The following PPA2 variants were observed in gnomAD, a reference collection of about 807,000 sequenced individuals.
The protein encoded by PPA2 is inorganic pyrophosphatase 2.
PPA2 carries 48 observed loss-of-function variants against 49.5 expected under a neutral mutation model. The ratio of observed to expected loss-of-function variants is 0.97; its 90% confidence interval spans 0.77 to 1.23. The LOEUF (loss-of-function observed/expected upper bound fraction) is 1.23, where lower values mean the gene tolerates loss of function less well. Among genes scored for constraint, PPA2 ranks in the 50% most tolerant of loss-of-function variants. PPA2 has a pLI of 0.00. For missense variants in PPA2, 429 were observed against 410.1 expected (o/e 1.05, Z -0.40); for synonymous variants, 131 against 139.9 (o/e 0.94, Z 0.45).
chr4:105,436,143 A>C, intron 6 of PPA2, among the ~76,000 whole-genome samples: 1 of 152,130 alleles, frequency 6.6e-6, no homozygotes, highest in East Asian at 1.9e-4. Context: ...AAAAATTAAT[A>C]GTATTTCTAC....
intron 10 of PPA2, among the ~76,000 whole-genome samples, chr4:105,384,645 A>C (rs1358134366): frequency 1.3e-5 from 2 of 152,246 alleles, no homozygotes; most frequent in Non-Finnish European, 2.9e-5. Flanking sequence ...AATGAAAACC[A>C]AATTCTGAAT....
intron 5 of PPA2, among the ~76,000 whole-genome samples, chr4:105,445,509 A>G (rs1456053954): frequency 6.6e-6 from 1 of 152,126 alleles, no homozygotes; most frequent in Non-Finnish European, 1.5e-5. Context: ...TTTCCTGTGA[A>G]TGTTTATTCT....
chr4:105,392,140 A>T (rs1733947570), intron 9 of PPA2, among the ~76,000 whole-genome samples: 1 of 152,218 alleles, frequency 6.6e-6, no homozygotes, highest in Non-Finnish European at 1.5e-5. Context: ...TCAAATGTCA[A>T]AAAATGATTT....
intron 6 of PPA2, among the ~76,000 whole-genome samples, chr4:105,428,671 G>A (rs779196551): frequency 3.9e-5 from 6 of 151,924 alleles, no homozygotes; most frequent in Non-Finnish European, 8.8e-5. Context: ...GGCCTGTTGG[G>A]GGTGGGGGGC....
intron 10 of PPA2, among the ~76,000 whole-genome samples, chr4:105,383,157 T>G (rs1452662062): frequency 1.3e-5 from 2 of 152,190 alleles, no homozygotes; most frequent in Non-Finnish European, 2.9e-5. Context: ...AAAACTTGTT[T>G]ATGATACAGT....
chr4:105,438,400 C>G (rs1724170971), intron 5 of PPA2, among the ~76,000 whole-genome samples: 1 of 152,230 alleles, frequency 6.6e-6, no homozygotes, highest in African/African-American at 2.4e-5. Context: ...ACTGCCTCAA[C>G]TGTGGCTTCC....
At chr4:105,454,072 C>G (rs1276610721) in intron 2 of PPA2, among the ~76,000 whole-genome samples, 2 of 152,148 alleles carry the variant, frequency 1.3e-5, no homozygotes, top group Non-Finnish European at 2.9e-5. Flanking sequence ...GGTGTGATTA[C>G]TAGGCCTCCA....
intron 6 of PPA2, among the ~76,000 whole-genome samples, chr4:105,431,282 C>A (rs572560277): frequency 8.8e-4 from 134 of 152,262 alleles, no homozygotes; most frequent in African/African-American, 3.1e-3. Context: ...ATCTACTTCA[C>A]ATTTATGGCT....
At chr4:105,427,311 C>T (rs1305649580) in intron 6 of PPA2, among the ~76,000 whole-genome samples, 3 of 152,102 alleles carry the variant, frequency 2.0e-5, no homozygotes, top group Non-Finnish European at 2.9e-5. Flanking sequence ...ATTGCAGCTC[C>T]TCACCAGCAA....
intron 6 of PPA2, among the ~76,000 whole-genome samples, chr4:105,434,883 A>C (rs571008020): frequency 1.3e-5 from 2 of 152,320 alleles, no homozygotes; most frequent in Non-Finnish European, 2.9e-5. Flanking sequence ...AGGAAAACTC[A>C]ATCAAACCAA....
intron 10 of PPA2, among the ~76,000 whole-genome samples, chr4:105,380,202 ACTT>A (rs1376072672): frequency 2.4e-5 from 3 of 125,524 alleles, no homozygotes; most frequent in Admixed American, 8.8e-5. Flanking sequence ...GTTTATGCCT[ACTT>A]CTTCTTCAGT....
intron 1 of PPA2, among the ~76,000 whole-genome samples, chr4:105,459,273 T>TA (rs143823094): frequency 0.039 from 5,904 of 152,098 alleles, 389 homozygotes; most frequent in African/African-American, 0.13. Flanking sequence ...GGGATGCACT[T>TA]AAAAAAAACT....
intron 10 of PPA2, among the ~76,000 whole-genome samples, chr4:105,381,965 C>A (rs1733506410): frequency 6.6e-6 from 1 of 151,936 alleles, no homozygotes; most frequent in African/African-American, 2.4e-5. Flanking sequence ...AAGATTCAAA[C>A]AAAATGTACA....
chr4:105,446,537 G>A (rs1722394086), intron 4 of PPA2, 35 bp from the exon 5 acceptor site: 1 of 1,582,272 alleles, frequency 6.3e-7, no homozygotes, highest in African/African-American at 1.4e-5. Context: ...AAGGAGATGG[G>A]ATAAGAAATA....
At chr4:105,458,678 T>G (rs992905437) in intron 1 of PPA2, among the ~76,000 whole-genome samples, 49 of 151,742 alleles carry the variant, frequency 3.2e-4, no homozygotes, top group African/African-American at 1.2e-3. Flanking sequence ...AAAAATTAGC[T>G]GGGCGTGGTG....
chr4:105,442,715 C>G (rs1724423253), intron 5 of PPA2, among the ~76,000 whole-genome samples: 1 of 152,174 alleles, frequency 6.6e-6, no homozygotes, highest in South Asian at 2.1e-4. Context: ...ACGGTCTAGA[C>G]AGCTGAAGGT....
At chr4:105,373,538 T>G (rs1205325529) in intron 10 of PPA2, among the ~76,000 whole-genome samples, 3 of 152,036 alleles carry the variant, frequency 2.0e-5, no homozygotes, top group African/African-American at 7.2e-5. Context: ...TGCCAAACAT[T>G]TCAGAGGAAT....
chr4:105,440,101 T>A (rs1724277784), intron 5 of PPA2, among the ~76,000 whole-genome samples: 1 of 151,978 alleles, frequency 6.6e-6, no homozygotes, highest in South Asian at 2.1e-4. Flanking sequence ...TCTCATAATT[T>A]TGCTTATCCC....
intron 3 of PPA2, among the ~76,000 whole-genome samples, chr4:105,451,907 T>TAG (rs1313174497): frequency 2.6e-5 from 4 of 152,198 alleles, no homozygotes; most frequent in Non-Finnish European, 5.9e-5. Flanking sequence ...AGCCTGGTTT[T>TAG]CCTAAGATTA....
Sources: gnomAD v4.1 joint callset for allele counts (sites outside exome capture counted in the v4.1 genomes callset) on GRCh38, gnomAD v4.1.1 for gene constraint, MANE v1.5 for transcripts, NCBI Gene and HGNC (gene_info 2026-07-23, HGNC 2026-07-21) for gene names.